Variants in ANK1 observed in about 807,000 individuals in gnomAD.
ANK1 encodes the protein ankyrin 1, also known as ankyrin-1.
In ANK1, 51 loss-of-function variants were observed where a neutral mutation model predicts 210.4. The ratio of observed to expected loss-of-function variants is 0.24; its 90% CI spans 0.19 to 0.31. ANK1 has a LOEUF of 0.31. Among genes scored for constraint, ANK1 ranks in the 10% least tolerant of loss-of-function variants. ANK1 has a pLI of 1.00. For synonymous variants in ANK1, 967 were observed against 1,025.9 expected (o/e 0.94, Z 1.10); for missense variants, 2,051 against 2,504.4 (o/e 0.82, Z 3.86).
At chr8:41,658,311 C>A (rs1228664385) in intron 42 of ANK1, among the ~76,000 whole-genome samples, 1 of 152,242 alleles carries the variant, frequency 6.6e-6, no homozygotes, top group African/African-American at 2.4e-5. Flanking sequence ...ACACTACAAA[C>A]AAGACCTGCA....
chr8:41,718,153 T>A lies in ANK1; in HGVS notation c.1159A>T (p.Met387Leu). ...IACKKNHVRV[M>L]ELLLKTGASI... ...GCTCCCGTCTTCAGCAGCAGCTCCA[T>A]GACACGGACGTGGTTCTTTTTGCAG... is the stretch of plus-strand genomic sequence containing the variant. Residue 387 changes from methionine to leucine, a missense_variant, in exon 11 of 43, where the codon ATG (methionine) becomes TTG (leucine). Met to Leu is a conservative substitution (Grantham distance 15, BLOSUM62 2). Around this residue, in one of 6 missense-constraint regions of ANK1, gnomAD observed 1,413 missense variants for 1,707.4 expected, o/e 0.83. Coordinates refer to ENST00000289734, the MANE Select transcript of ANK1 (RefSeq NM_000037.4). The A allele has an allele frequency of 6.2e-7, 1 of 1,614,098 alleles. No individual in the cohort carries two copies. The highest frequency in any genetic ancestry group is 8.5e-7 in the Non-Finnish European group (1 of 1,180,012).
chr8:41,730,688 G>C (rs984134086), intron 3 of ANK1, among the ~76,000 whole-genome samples: 4 of 152,194 alleles, frequency 2.6e-5, no homozygotes, highest in Admixed American at 2.0e-4. Context: ...GAGAGGCTTG[G>C]CACCTGCTGT....
Position 41,698,074 on chromosome 8 carries a change from G to A in ANK1, c.2606C>T (p.Thr869Ile), listed in dbSNP as rs1287717202. The change falls in exon 24 of 43, where the codon ACA (threonine) becomes ATA (isoleucine). Residue 869 changes from threonine to isoleucine, a missense_variant. Thr to Ile is a moderately conservative substitution (Grantham distance 89, BLOSUM62 -1). This residue lies in a region of ANK1 where 1,413 missense variants were observed against 1,707.4 expected (regional missense o/e 0.83). Transcript: ENST00000289734. The stretch of plus-strand genomic sequence containing the variant: ...CTGCTCTTCTGACCTGATCACCACT[G>A]TCTCAGGCATGGCACAGGGAATCCT... ...IPRIPCAMPE[T>I]VVIRSEEQEQ... is the part of the protein sequence containing the mutation. 1.2e-6 allele frequency: 2 copies of A among 1,614,126 alleles called. No homozygotes were observed. The highest frequency in any genetic ancestry group is 1.7e-6 in the Non-Finnish European group (2 of 1,180,034).
At chr8:41,818,736 T>G (rs1478932912) in intron 1 of ANK1, among the ~76,000 whole-genome samples, 1 of 152,030 alleles carries the variant, frequency 6.6e-6, no homozygotes, top group Non-Finnish European at 1.5e-5. Flanking sequence ...CTCCTGCCTC[T>G]GCCTCCCTAA....
At chr8:41,797,716 G>A (rs1021814016), upstream of ANK1, 2 of 946,698 alleles carry the variant, frequency 2.1e-6, no homozygotes, top group African/African-American at 3.5e-5. This position sits in a 1 kb window ranked among gnomAD's most constrained non-coding sequence, Gnocchi z 4.0. Flanking sequence ...ACGGGCGGGC[G>A]GAGGGGTGGC....
At chr8:41,680,223 C>G (rs537626410) in intron 37 of ANK1, among the ~76,000 whole-genome samples, 1 of 152,274 alleles carries the variant, frequency 6.6e-6, no homozygotes, top group East Asian at 1.9e-4. Flanking sequence ...GAGTTTCCCA[C>G]CTTGAGACTT....
At chr8:41,769,737 C>A (rs1294504119) in intron 1 of ANK1, among the ~76,000 whole-genome samples, 1 of 152,082 alleles carries the variant, frequency 6.6e-6, no homozygotes, top group East Asian at 1.9e-4. Context: ...ATAATCACCT[C>A]CAAAAGTTTC....
chr8:41,723,028 T>G (rs1453279620), intron 9 of ANK1, 97 bp downstream of exon 9: 36 of 1,082,364 alleles, frequency 3.3e-5, no homozygotes, highest in Non-Finnish European at 2.6e-5. Flanking sequence ...TCTAGTAGTA[T>G]TAGCATCTCT....
chr8:41,797,785 G>A (rs1037464650), upstream of ANK1, among the ~76,000 whole-genome samples: 8 of 152,050 alleles, frequency 5.3e-5, no homozygotes, highest in East Asian at 2.0e-4. The surrounding 1 kb of genome is among the most constrained non-coding windows in gnomAD (Gnocchi z 4.0). Context: ...AGGAGGCCCC[G>A]CTCCCCAGGC....
intron 1 of ANK1, among the ~76,000 whole-genome samples, chr8:41,858,649 C>A (rs1353902748): frequency 1.3e-5 from 2 of 152,232 alleles, no homozygotes; most frequent in Non-Finnish European, 2.9e-5. Flanking sequence ...GTAGATTAGG[C>A]CCGGATTCCG....
At position 41,688,204 on chromosome 8, in the gene ANK1, C is replaced by T; in HGVS notation, c.4210G>A (p.Glu1404Lys). The T allele has an allele frequency of 3.1e-6, 5 of 1,614,250 alleles. No individual in the cohort carries two copies. Among genetic ancestry groups the T allele is most frequent in the Non-Finnish European group, 3.4e-6 (4 of 1,180,044 alleles). The change falls in exon 35 of 43, where the codon GAG (glutamate) becomes AAG (lysine). Residue 1404 changes from glutamate (E) to lysine (K), a missense_variant. Physicochemically the swap from Glu to Lys is moderately conservative, Grantham distance 56 (BLOSUM62 1). Coordinates refer to ENST00000289734, the MANE Select transcript of ANK1 (RefSeq NM_000037.4). ...TCTGAGATAACAGCCATCTTCATCT[C>T]TGCCTGCTCTGTCCCACTGAGAGAA... ...PGSLSGTEQA[E>K]MKMAVISEHL...
In ANK1 at chr8:41,667,171, G is replaced by A. The variant is rs78952659; in HGVS notation, c.5394+1096C>T. 7.7e-3 allele frequency among the ~76,000 whole-genome samples: 1,176 copies of A among 152,322 alleles called. 14 individuals are homozygous for A. The highest frequency in any genetic ancestry group is 0.034 in the East Asian group (178 of 5,178). On this transcript the variant is annotated intron_variant, in intron 39 of 42. Coordinates refer to ENST00000289734, the MANE Select transcript of ANK1 (RefSeq NM_000037.4). ...GTGCACACAGGCGCTGGCCCTGCCC[G>A]GGGCACATACTTGGCAGGGGAGCAT...
At chr8:41,752,526 G>C (rs1181846752) in intron 2 of ANK1, among the ~76,000 whole-genome samples, 4 of 152,072 alleles carry the variant, frequency 2.6e-5, no homozygotes, top group Non-Finnish European at 4.4e-5. Flanking sequence ...ATTCCTCAGA[G>C]CCTCCTTACC....
chr8:41,838,767 A>AAAT lies in ANK1; in HGVS notation c.126+57585_126+57587dup, dbSNP rs58514602. On this transcript the variant is annotated intron_variant, in intron 1 of 42. Coordinates refer to the ANK1 transcript ENST00000265709. ...GGGACAAAGCAAGACTCCGTCTCAA[A>AAAT]AATAATAATAATAATAATAATAATA... 2.6e-3 allele frequency among the ~76,000 whole-genome samples: 364 copies of AAAT among 140,530 alleles called. 1 individual carries two copies. The East Asian group carries it at 0.036, about 14-fold the overall frequency. The allele number at this position is 140,530 out of a possible 152,430, so 92.2% of individuals were successfully genotyped here.
chr8:41,661,192 A>C, intron 42 of ANK1: 1 of 571,834 alleles, frequency 1.7e-6, no homozygotes, highest in East Asian at 3.5e-5. Flanking sequence ...GCATTCTTAC[A>C]AAACCGTGCG....
rs921767633 is a variant in ANK1 at position 41,862,853 on chromosome 8, A to T, written c.126+33502T>A. On this transcript the variant is annotated intron_variant, in intron 1 of 42. Transcript: ENST00000265709. ...GGCAAGACCCCTGTCTCTATAAAAA[A>T]TTCTTTAAAAATTGGCTGGGTGGTG... Among the ~76,000 whole-genome samples the T allele has an allele frequency of 7.9e-5, 12 of 151,614 alleles. No individual in the cohort carries two copies. In the East Asian group the frequency reaches 2.2e-3, roughly 27 times the overall value.
chr8:41,802,557 G>A (rs917372550), upstream of ANK1, among the ~76,000 whole-genome samples: 2 of 152,108 alleles, frequency 1.3e-5, no homozygotes, highest in Non-Finnish European at 2.9e-5. Flanking sequence ...CATTGCTACT[G>A]CAACTAATAA....
Position 41,690,579 on chromosome 8 carries a change from C to A in ANK1, c.3879G>T (p.Leu1293=). 6.2e-7 allele frequency: 1 copy of A among 1,613,640 alleles called. No individual in the cohort carries two copies. Among genetic ancestry groups the A allele is most frequent in the South Asian group, 1.1e-5 (1 of 91,084 alleles). The change falls in exon 32 of 43, where the codon CTG becomes CTT. Residue 1293 remains leucine (L), a synonymous_variant. Coordinates refer to ENST00000289734, the MANE Select transcript of ANK1 (RefSeq NM_000037.4). The part of the protein sequence containing the change: ...RDIEVLEGMS[L]FAELSGNLVP... ...CCAGGTTCCCAGAGAGTTCTGCAAA[C>A]AGGGACATTCCTTCCAACACCTGCA...
chr8:41,701,829 A>G (rs1271581312), intron 21 of ANK1, among the ~76,000 whole-genome samples: 2 of 150,922 alleles, frequency 1.3e-5, no homozygotes, highest in Non-Finnish European at 3.0e-5. Flanking sequence ...AACCCCATCC[A>G]CTCCACTGCT....
Sources: allele counts gnomAD v4.1 joint callset (sites outside exome capture counted in the v4.1 genomes callset), GRCh38; gene constraint gnomAD v4.1.1; regional missense constraint gnomAD v4.1.1; non-coding constraint Gnocchi (gnomAD v3.1); transcripts MANE v1.5; gene names NCBI Gene and HGNC (gene_info 2026-07-23, HGNC 2026-07-21).